The following ASMT variants were observed in gnomAD, a reference collection of about 807,000 sequenced individuals.
The protein encoded by ASMT is acetylserotonin N-methyltransferase.
A neutral mutation model predicts 41.3 loss-of-function variants in ASMT; 53 were observed. That is an observed-to-expected ratio of 1.28 (90% CI 1.03 to 1.61). ASMT has a LOEUF of 1.61. ASMT is among the 40% of genes most tolerant of loss of function. ASMT has a pLI of 0.00. For missense variants in ASMT, 531 were observed against 441.3 expected (o/e 1.20, Z -1.82); for synonymous variants, 231 against 184.8 (o/e 1.25, Z -2.03).
chrX:1,629,967 G>A (rs184583293), intron 5 of ASMT, 28 bp downstream of exon 5: 261 of 1,557,986 alleles, frequency 1.7e-4, no homozygotes, highest in East Asian at 1.2e-3. Flanking sequence ...CTAATACCTC[G>A]GAGGTGTGGC....
chrX:1,616,512 C>T (rs1435882241), intron 1 of ASMT, among the ~76,000 whole-genome samples: 8 of 151,108 alleles, frequency 5.3e-5, no homozygotes, highest in African/African-American at 1.9e-4. Flanking sequence ...TGTTCTGGAA[C>T]CCGGCGGAAG....
At chrX:1,627,915 C>G (rs1934617125) in intron 4 of ASMT, 144 bp downstream of exon 4, 2 of 811,316 alleles carry the variant, frequency 2.5e-6, no homozygotes, top group Non-Finnish European at 4.3e-6. Flanking sequence ...CCTATCCCCA[C>G]TACTACCCCA....
intron 4 of ASMT, chrX:1,628,031 G>A: frequency 1.8e-6 from 1 of 565,384 alleles, no homozygotes; most frequent in Non-Finnish European, 3.2e-6. Context: ...GTAGAAAATG[G>A]AGGCACGCGC....
At chrX:1,636,664 T>C (rs1387140831) in intron 8 of ASMT, 104 bp downstream of exon 8, 11 of 1,567,262 alleles carry the variant, frequency 7.0e-6, no homozygotes, top group African/African-American at 4.1e-5. Context: ...CAGGTAAGGG[T>C]AGACATCCTG....
intron 3 of ASMT, among the ~76,000 whole-genome samples, chrX:1,625,182 G>A (rs1341004000): frequency 6.9e-6 from 1 of 144,640 alleles, no homozygotes; most frequent in Non-Finnish European, 1.5e-5. Flanking sequence ...TCGGCTCATT[G>A]CAAGCTATGC....
intron 1 of ASMT, among the ~76,000 whole-genome samples, chrX:1,615,595 G>T (rs1315682413): frequency 1.3e-5 from 2 of 151,994 alleles, no homozygotes; most frequent in Admixed American, 6.6e-5. Flanking sequence ...CTGAGGTCGG[G>T]AGTTCGAGAC....
chrX:1,642,156 T>C (rs1471521095), intron 8 of ASMT, among the ~76,000 whole-genome samples: 1 of 145,200 alleles, frequency 6.9e-6, no homozygotes. Context: ...ATCCTGATGG[T>C]CCATGAGGAC....
Position 1,615,264 on chromosome X carries a change from C to T in ASMT, c.65C>T (p.Ser22Phe), listed in dbSNP as rs1250753551. Residue 22 changes from serine (S) to phenylalanine (F), a missense_variant, in exon 1 of 9, where the codon TCC becomes TTC. Transcript: ENST00000381241. ...GACTACGCCAACGGCTTCATGGTGT[C>T]CCAGGTAGGATACGCTCTGTGGGAC... is the stretch of plus-strand genomic sequence containing the variant. Reference protein sequence around the residue: ...LNDYANGFMVSQVLFAACELG... With the variant: ...LNDYANGFMVFQVLFAACELG... The T allele has an allele frequency of 1.9e-6, 3 of 1,591,836 alleles. No homozygotes were observed. The highest frequency in any genetic ancestry group is 2.6e-6 in the Non-Finnish European group (3 of 1,169,158).
At chrX:1,623,068 A>G in intron 1 of ASMT, 71 bp from the exon 2 acceptor site, 3 of 1,467,146 alleles carry the variant, frequency 2.0e-6, no homozygotes, top group Non-Finnish European at 2.9e-6. Context: ...CTGCCATGGT[A>G]TGGGGTGTTT....
intron 1 of ASMT, among the ~76,000 whole-genome samples, chrX:1,618,353 G>A (rs1163886289): frequency 2.0e-5 from 3 of 152,192 alleles, no homozygotes; most frequent in Admixed American, 6.6e-5. Context: ...TGGCAGAGAC[G>A]GGGTTTCATC....
At chrX:1,620,742 A>G (rs1300912028) in intron 1 of ASMT, among the ~76,000 whole-genome samples, 1 of 152,072 alleles carries the variant, frequency 6.6e-6, no homozygotes, top group Non-Finnish European at 1.5e-5. Flanking sequence ...CAAAAAAATT[A>G]GCCTGGCATG....
chrX:1,619,318 C>T (rs1307708127), intron 1 of ASMT, among the ~76,000 whole-genome samples: 2 of 149,282 alleles, frequency 1.3e-5, no homozygotes, highest in African/African-American at 2.5e-5. Flanking sequence ...GGCGTGAACC[C>T]GGGAGGTGGA....
intron 7 of ASMT, among the ~76,000 whole-genome samples, chrX:1,634,095 A>C (rs1340629319): frequency 6.6e-6 from 1 of 151,764 alleles, no homozygotes; most frequent in African/African-American, 2.4e-5. Flanking sequence ...TCTGCAGTGA[A>C]GGGTGTGGCC....
chrX:1,615,320 C>T (rs1355361741), intron 1 of ASMT, 52 bp downstream of exon 1: 1 of 1,469,884 alleles, frequency 6.8e-7, no homozygotes. Context: ...TCATCACACT[C>T]ACGTTCCATT....
At position 1,633,368 on chromosome X, in the gene ASMT, G is replaced by C. The variant is rs772456452; in HGVS notation, c.787+78G>C. 5.3e-4 allele frequency: 835 copies of C among 1,586,634 alleles called. 7 individuals are homozygous for C. The African/African-American group carries it at 8.6e-3, about 16-fold the overall frequency. ...GGACTGGATGTTTCTGGGAAATGAA[G>C]AAGATGTGATGTGGTTTTCCTCTCA... is the stretch of plus-strand genomic sequence containing the variant. On this transcript the variant is annotated intron_variant, in intron 7 of 8. Coordinates refer to ENST00000381241, the MANE Select transcript of ASMT (RefSeq NM_001171038.2).
At chrX:1,621,748 T>A (rs1437381437) in intron 1 of ASMT, among the ~76,000 whole-genome samples, 1 of 152,162 alleles carries the variant, frequency 6.6e-6, no homozygotes, top group African/African-American at 2.4e-5. Flanking sequence ...CAGGCTGGAG[T>A]GCAATGGCAC....
chrX:1,633,827 G>A (rs112445696), intron 7 of ASMT, among the ~76,000 whole-genome samples: 1 of 152,084 alleles, frequency 6.6e-6, no homozygotes, highest in South Asian at 2.1e-4. Flanking sequence ...TTTAGTAGAG[G>A]TGGAGTTTCA....
chrX:1,628,436 GC>G (rs1385757346), intron 4 of ASMT, among the ~76,000 whole-genome samples: 3 of 152,170 alleles, frequency 2.0e-5, no homozygotes, highest in Non-Finnish European at 4.4e-5. Flanking sequence ...CACAGCTTTG[GC>G]CTTTGCCCGA....
rs73620112 is a variant in ASMT at position 1,616,147 on chromosome X, G to A, written c.69+879G>A. On this transcript the variant is annotated intron_variant, in intron 1 of 8. Transcript: ENST00000381241. ...GGGTTCAGGCTATTCTCCTGCTTCA[G>A]CCTCCCGAGTATCTGGGATTACAGG... Among the ~76,000 whole-genome samples the A allele has an allele frequency of 9.2e-3, 1,359 of 148,170 alleles. 54 individuals are homozygous for A. The highest frequency in any genetic ancestry group is 0.034 in the African/African-American group (1,284 of 37,870).
Sources: gnomAD v4.1 joint callset for allele counts (sites outside exome capture counted in the v4.1 genomes callset) on GRCh38, gnomAD v4.1.1 for gene constraint, MANE v1.5 for transcripts, NCBI Gene and HGNC (gene_info 2026-07-23, HGNC 2026-07-21) for gene names.